GAPVD1: variants seen among roughly 807,000 people sequenced by gnomAD.
The protein encoded by GAPVD1 is GTPase-activating protein and VPS9 domain-containing protein 1.
Under a neutral mutation model 155.5 loss-of-function variants are expected in GAPVD1, and 35 were observed. The ratio of observed to expected loss-of-function variants is 0.23; its 90% CI spans 0.17 to 0.30. The LOEUF (loss-of-function observed/expected upper bound fraction) is 0.30, where lower values mean the gene tolerates loss of function less well. Among genes scored for constraint, GAPVD1 ranks in the 10% least tolerant of loss-of-function variants. The pLI is 1.00. For synonymous variants in GAPVD1, 636 were observed against 619.7 expected (o/e 1.03, Z -0.39); for missense variants, 1,429 against 1,775.7 (o/e 0.80, Z 3.51).
At chr9:125,276,725 A>G (rs982427827) in intron 2 of GAPVD1, among the ~76,000 whole-genome samples, 1 of 152,100 alleles carries the variant, frequency 6.6e-6, no homozygotes, top group Non-Finnish European at 1.5e-5. Context: ...GCTCATTGGA[A>G]TGTGAGAAGA....
At chr9:125,322,327 G>C (rs1003141916) in intron 10 of GAPVD1, among the ~76,000 whole-genome samples, 1 of 151,988 alleles carries the variant, frequency 6.6e-6, no homozygotes, top group Non-Finnish European at 1.5e-5. Flanking sequence ...GCCTCCCAAA[G>C]TGCTGGGATT....
At chr9:125,319,768 A>T (rs1041177571) in intron 9 of GAPVD1, among the ~76,000 whole-genome samples, 21 of 151,820 alleles carry the variant, frequency 1.4e-4, no homozygotes, top group Admixed American at 1.3e-4. Flanking sequence ...CACCTGGTTG[A>T]TTTTGTATTT....
Position 125,346,800 on chromosome 9 carries a change from A to C in GAPVD1, c.3047-19A>C. On this transcript the variant is annotated intron_variant, in intron 19 of 27. Coordinates refer to ENST00000297933, the MANE Select transcript of GAPVD1 (RefSeq NM_001282680.3). ...ACAAACCCAAGGGGCTAATTCTCTC[A>C]CTCTCCTTTCCCTTGCAGATGATCC... 6.2e-7 allele frequency: 1 copy of C among 1,608,288 alleles called. No homozygotes were observed. Among genetic ancestry groups the C allele is most frequent in the Non-Finnish European group, 8.5e-7 (1 of 1,175,004 alleles).
rs528763876 is a variant in GAPVD1 at position 125,352,463 on chromosome 9, T to C, written c.3569+1591T>C. 3.3e-5 allele frequency among the ~76,000 whole-genome samples: 5 copies of C among 152,380 alleles called. No homozygotes were observed. The East Asian group carries it at 9.7e-4, about 29-fold the overall frequency. ...GCCGAGGCTTGGGGCTTGCACTCTC[T>C]GAAGCCACAGCCTGAGCTCTGTGTT... On this transcript the variant is annotated intron_variant, in intron 23 of 27. Transcript: ENST00000297933.
At chr9:125,264,517 T>C (rs1383702993) in intron 1 of GAPVD1, among the ~76,000 whole-genome samples, 2 of 151,816 alleles carry the variant, frequency 1.3e-5, no homozygotes, top group Non-Finnish European at 2.9e-5. Flanking sequence ...TTTGAAAGAA[T>C]AGACCATAGA....
intron 2 of GAPVD1, among the ~76,000 whole-genome samples, chr9:125,283,305 C>CA (rs1323887216): frequency 6.6e-6 from 1 of 151,930 alleles, no homozygotes; most frequent in Admixed American, 6.6e-5. Context: ...ATGATCCATC[C>CA]ACCTCGGCCT....
chr9:125,329,663 C>G (rs1456349345), intron 12 of GAPVD1, among the ~76,000 whole-genome samples: 1 of 148,654 alleles, frequency 6.7e-6, no homozygotes, highest in African/African-American at 2.5e-5. Flanking sequence ...GACAAAGTCC[C>G]AAAATGACAC....
At chr9:125,336,982 T>A (rs1479425956) in intron 15 of GAPVD1, 36 bp from the exon 16 acceptor site, 2 of 1,226,078 alleles carry the variant, frequency 1.6e-6, no homozygotes, top group Non-Finnish European at 2.4e-6. Flanking sequence ...CTGTCCTGCG[T>A]CCTGGCTTGG....
chr9:125,315,299 A>G (rs1433541360), intron 9 of GAPVD1, among the ~76,000 whole-genome samples: 1 of 152,220 alleles, frequency 6.6e-6, no homozygotes, highest in African/African-American at 2.4e-5. Context: ...AACTGTCAGA[A>G]TCAACTTATT....
chr9:125,263,410 C>T (rs772131967), intron 1 of GAPVD1: 3 of 470,718 alleles, frequency 6.4e-6, no homozygotes, highest in African/African-American at 2.0e-5. Flanking sequence ...GATCACGCCA[C>T]TGCACTCCAG....
intron 2 of GAPVD1, among the ~76,000 whole-genome samples, chr9:125,294,144 G>A (rs1290115887): frequency 6.6e-6 from 1 of 151,286 alleles, no homozygotes; most frequent in East Asian, 2.0e-4. Context: ...TTGACCTCGT[G>A]ATCCGCCCAC....
rs67315433 is a variant in GAPVD1, at chr9:125,266,127, A to AT, written c.-198-2793dup. ...AGTGGCAAAGGGGATGATATCTATA[A>AT]TTTTTTTTTTTTTTTTGAGGTGGAG... On this transcript the variant is annotated intron_variant, in intron 1 of 27. Transcript: ENST00000297933. 2.8e-3 allele frequency among the ~76,000 whole-genome samples: 390 copies of AT among 138,420 alleles called. 1 individual carries two copies. The highest frequency in any genetic ancestry group is 8.9e-3 in the African/African-American group (336 of 37,606). 90.8% of individuals were successfully genotyped at this position (138,420 alleles called of 152,430 possible). A position where few individuals can be genotyped will look rare whatever the true frequency, so the allele number is the denominator to read the frequency against.
At chr9:125,289,036 T>C (rs1468900501) in intron 2 of GAPVD1, among the ~76,000 whole-genome samples, 1 of 152,186 alleles carries the variant, frequency 6.6e-6, no homozygotes, top group Non-Finnish European at 1.5e-5. Flanking sequence ...CTGGCACGTC[T>C]GACAATACGG....
At chr9:125,332,736 A>T in intron 15 of GAPVD1, 107 bp downstream of exon 15, 1 of 898,426 alleles carries the variant, frequency 1.1e-6, no homozygotes, top group Non-Finnish European at 1.8e-6. Flanking sequence ...GCACTTTGGG[A>T]CATACTTTGT....
At chr9:125,348,944 T>G (rs1208777618) in intron 20 of GAPVD1, among the ~76,000 whole-genome samples, 1 of 152,228 alleles carries the variant, frequency 6.6e-6, no homozygotes, top group Non-Finnish European at 1.5e-5. Flanking sequence ...CAGGAGACCT[T>G]AACCCATAGT....
intron 15 of GAPVD1, chr9:125,336,715 A>G (rs1847066407): frequency 7.6e-6 from 2 of 262,614 alleles, no homozygotes; most frequent in African/African-American, 4.5e-5. Context: ...CAAAACATTG[A>G]TGGTTTAGGT....
chr9:125,333,849 A>G (rs1393318147), intron 15 of GAPVD1, among the ~76,000 whole-genome samples: 2 of 151,924 alleles, frequency 1.3e-5, no homozygotes, highest in Non-Finnish European at 2.9e-5. Context: ...TAACCTTAAC[A>G]CCATTGACAT....
At chr9:125,305,228 G>A in intron 6 of GAPVD1, 79 bp downstream of exon 6, 1 of 881,880 alleles carries the variant, frequency 1.1e-6, no homozygotes, top group South Asian at 1.5e-5. Context: ...CTTGTCCTTA[G>A]GTGATATCTA....
At chr9:125,332,388 C>A in intron 14 of GAPVD1, 122 bp from the exon 15 acceptor site, 1 of 737,046 alleles carries the variant, frequency 1.4e-6, no homozygotes, top group South Asian at 1.8e-5. Context: ...TAATACTAAA[C>A]TCACATGTAT....
Sources: allele counts gnomAD v4.1 joint callset (sites outside exome capture counted in the v4.1 genomes callset), GRCh38; gene constraint gnomAD v4.1.1; transcripts MANE v1.5; gene names NCBI Gene and HGNC (gene_info 2026-07-23, HGNC 2026-07-21).